Variants in ESPN observed in about 807,000 individuals in gnomAD.
ESPN encodes espin, also known as autosomal recessive deafness type 36 protein.
In ESPN, 68 loss-of-function variants were observed where a neutral mutation model predicts 77.7. The ratio of observed to expected loss-of-function variants is 0.87; its 90% CI spans 0.72 to 1.07. The LOEUF is 1.07. ESPN is among the 50% of genes least tolerant of loss of function. The pLI, the probability that ESPN is intolerant of heterozygous loss-of-function variation, is 0.00. For missense variants in ESPN, 1,060 were observed against 1,239.0 expected (o/e 0.86, Z 2.17); for synonymous variants, 449 against 567.1 (o/e 0.79, Z 2.96).
rs1229908819 is a variant in ESPN, at chr1:6,440,285, ACGCCC to A, written c.522_526del (p.Pro175ValfsTer93). On this transcript the variant is annotated frameshift_variant, in exon 3 of 13. Transcript: ENST00000645284. LOFTEE classifies it high-confidence loss of function. ...GAATGCCCAAACCAAGAACGGTGCCACGCCCCTGTACCTGGCGTGCCAGGAGGGCC... is the reference window on the plus strand; with the variant it reads ...GAATGCCCAAACCAAGAACGGTGCCACTGTACCTGGCGTGCCAGGAGGGCC... 2 of 1,551,658 alleles carry A rather than the reference ACGCCC, an allele frequency of 1.3e-6. No individual in the cohort carries two copies. The highest frequency in any genetic ancestry group is 1.7e-6 in the Non-Finnish European group (2 of 1,147,762).
chr1:6,427,668 G>A lies in ESPN; in HGVS notation c.295-558G>A, dbSNP rs1643089875. Among the ~76,000 whole-genome samples, 1 of 152,258 alleles carries A rather than the reference G, an allele frequency of 6.6e-6. No individual in the cohort carries two copies. Among genetic ancestry groups the A allele is most frequent in the Admixed American group, 6.5e-5 (1 of 15,290 alleles). On this transcript the variant is annotated intron_variant, in intron 1 of 12. Transcript: ENST00000645284. The surrounding 1 kb of genome is among the most constrained non-coding windows in gnomAD (Gnocchi z 4.6). Reference sequence around the variant, plus strand: ...GGGAGGGGCCGGTTTTCTGCACTGAGGTTGGGTTCCTGGAGGCGTACCAAG... The same window carrying A: ...GGGAGGGGCCGGTTTTCTGCACTGAAGTTGGGTTCCTGGAGGCGTACCAAG...
intron 5 of ESPN, among the ~76,000 whole-genome samples, chr1:6,441,934 G>A (rs1643651368): frequency 6.6e-6 from 1 of 152,244 alleles, no homozygotes; most frequent in African/African-American, 2.4e-5. Flanking sequence ...GCCAGAGGCT[G>A]CAGGGGGGCC....
rs1303223203 is a variant in ESPN at position 6,440,398 on chromosome 1, C to T, written c.633C>T (p.His211=). 6 of 1,583,030 alleles carry T rather than the reference C, an allele frequency of 3.8e-6. No homozygotes were observed. The highest frequency in any genetic ancestry group is 2.3e-5 in the East Asian group (1 of 43,430). ...ARAHDGMTPL[H]AAAQMGHSPV... ...CCCACGACGGCATGACCCCGCTGCA[C>T]GCCGCGGCGCAGATGGGCCACAGCC... Residue 211 remains histidine, a synonymous_variant, in exon 3 of 13, where the codon CAC becomes CAT. Transcript: ENST00000645284.
chr1:6,443,183 A>AAT (rs1455536177), intron 5 of ESPN: 1 of 152,018 alleles, frequency 6.6e-6, no homozygotes, highest in African/African-American at 2.4e-5. Context: ...AAAAAAAAAA[A>AAT]AAAAAGTTGA....
rs145666801 is a variant in ESPN at position 6,428,313 on chromosome 1, G to A, written c.382G>A (p.Gly128Ser). ...GGTGAACTGGCTCTTGCATCATGGC[G>A]GTGGGGACCCCACCGCGGCCACAGA... is the stretch of plus-strand genomic sequence containing the variant. ...EVVNWLLHHG[G>S]GDPTAATDMG... Residue 128 changes from glycine to serine, a missense_variant, in exon 2 of 13, where the codon GGT (glycine) becomes AGT (serine). Physicochemically the swap from Gly to Ser is moderately conservative, Grantham distance 56. Coordinates refer to ENST00000645284, the MANE Select transcript of ESPN (RefSeq NM_031475.3). The surrounding 1 kb of genome is among the most constrained non-coding windows in gnomAD (Gnocchi z 5.4). The A allele has an allele frequency of 2.2e-5, 35 of 1,613,070 alleles. No individual in the cohort carries two copies. The highest frequency in any genetic ancestry group is 1.1e-4 in the African/African-American group (8 of 75,016).
At position 6,428,313 on chromosome 1, in the gene ESPN, G is replaced by T. The variant is rs145666801; in HGVS notation, c.382G>T (p.Gly128Cys). 6.2e-6 allele frequency: 10 copies of T among 1,612,954 alleles called. No individual in the cohort carries two copies. The highest frequency in any genetic ancestry group is 8.5e-6 in the Non-Finnish European group (10 of 1,179,992). Residue 128 changes from glycine (G) to cysteine (C), a missense_variant, in exon 2 of 13, where the codon GGT (glycine) becomes TGT (cysteine). Gly to Cys is a radical substitution (Grantham distance 159). Around this residue, in one of 3 missense-constraint regions of ESPN, gnomAD observed 556 missense variants for 633.6 expected, o/e 0.88. Coordinates refer to ENST00000645284, the MANE Select transcript of ESPN (RefSeq NM_031475.3). This position sits in a 1 kb window ranked among gnomAD's most constrained non-coding sequence, Gnocchi z 5.4. ...EVVNWLLHHG[G>C]GDPTAATDMG... The stretch of plus-strand genomic sequence containing the variant: ...GGTGAACTGGCTCTTGCATCATGGC[G>T]GTGGGGACCCCACCGCGGCCACAGA...
At chr1:6,430,220 T>C (rs571872286) in intron 2 of ESPN, among the ~76,000 whole-genome samples, 1 of 152,330 alleles carries the variant, frequency 6.6e-6, no homozygotes, top group South Asian at 2.1e-4. Context: ...TGGGGCCTGC[T>C]GTGAATCGTT....
intron 5 of ESPN, among the ~76,000 whole-genome samples, chr1:6,442,366 C>T (rs1488169565): frequency 6.6e-6 from 1 of 151,954 alleles, no homozygotes; most frequent in Non-Finnish European, 1.5e-5. Flanking sequence ...GTCAGTAGAT[C>T]GAGACCATCC....
intron 10 of ESPN, chr1:6,454,770 C>T (rs1184820915): frequency 1.3e-5 from 5 of 397,922 alleles, no homozygotes; most frequent in Non-Finnish European, 2.2e-5. Flanking sequence ...GGCCACGCTG[C>T]TGGCTGCGCT....
chr1:6,441,045 C>G lies in ESPN; in HGVS notation c.970C>G (p.Leu324Val). Reference sequence around the variant, plus strand: ...CGGCCACAGCCACTGCACCCGCTACCTGCGCACGGTGGAGAACCTGGTACG... The same window carrying G: ...CGGCCACAGCCACTGCACCCGCTACGTGCGCACGGTGGAGAACCTGGTACG... ...FNGHSHCTRYLRTVENLSVEH... is the reference protein window; with the variant it reads ...FNGHSHCTRYVRTVENLSVEH... Residue 324 changes from leucine to valine, a missense_variant, in exon 5 of 13, where the codon CTG (leucine) becomes GTG (valine). By Grantham distance (32) the Leu-to-Val change is conservative. Transcript: ENST00000645284. 6.2e-7 allele frequency: 1 copy of G among 1,611,552 alleles called. No individual in the cohort carries two copies. The highest frequency in any genetic ancestry group is 8.5e-7 in the Non-Finnish European group (1 of 1,179,620).
chr1:6,458,931 TC>T (rs1302829578), intron 12 of ESPN, among the ~76,000 whole-genome samples: 3 of 104,638 alleles, frequency 2.9e-5, no homozygotes, highest in African/African-American at 1.1e-4. Flanking sequence ...AGACTCCATT[TC>T]AAAAAAAAAA....
At chr1:6,438,401 T>C (rs1011357072) in intron 2 of ESPN, among the ~76,000 whole-genome samples, 7 of 152,232 alleles carry the variant, frequency 4.6e-5, no homozygotes, top group Admixed American at 3.3e-4. Context: ...GGATGACAAC[T>C]GTTGTCCCCA....
At position 6,451,577 on chromosome 1, in the gene ESPN, G is replaced by C; in HGVS notation, c.1916-26G>C. 1 of 1,608,900 alleles carries C rather than the reference G, an allele frequency of 6.2e-7. No homozygotes were observed. The highest frequency in any genetic ancestry group is 8.5e-7 in the Non-Finnish European group (1 of 1,177,914). On this transcript the variant is annotated intron_variant, in intron 8 of 12. Transcript: ENST00000645284. The surrounding 1 kb of genome is among the most constrained non-coding windows in gnomAD (Gnocchi z 4.3). ...CGGGGATGCAGCCCCACCCTGGCCA[G>C]TGCCTCATCTCCTGCCTCCGCATAG...
At chr1:6,452,205 TTTTTTTTTTC>T in intron 10 of ESPN, 109 bp downstream of exon 10, 2 of 1,291,606 alleles carry the variant, frequency 1.5e-6, no homozygotes, top group Non-Finnish European at 2.1e-6. Context: ...TTTCTTTCTT[TTTTTTTTTTC>T]TTTTCTTGAG....
chr1:6,454,885 G>T (rs1644021299), intron 10 of ESPN: 3 of 389,240 alleles, frequency 7.7e-6, no homozygotes, highest in Admixed American at 4.5e-5. Context: ...CTCTGCCTGG[G>T]TCGCTCGCAC....
At position 6,455,654 on chromosome 1, in the gene ESPN, C is replaced by G. The variant is rs369862900; in HGVS notation, c.2326-1530C>G. 3.0e-5 allele frequency: 12 copies of G among 399,392 alleles called. No homozygotes were observed. The East Asian group carries it at 3.2e-4, about 11-fold the overall frequency. 24.7% of individuals were successfully genotyped at this position (399,392 alleles called of 1,614,324 possible). A position where few individuals can be genotyped will look rare whatever the true frequency, so the allele number is the denominator to read the frequency against. On this transcript the variant is annotated intron_variant, in intron 10 of 12. Transcript: ENST00000645284. ...GCCTCACGCTCGACCTCTTCATGCT[C>G]GGCTACTTCCAGCTACTCGAGATGG...
intron 2 of ESPN, among the ~76,000 whole-genome samples, chr1:6,430,355 G>A (rs898514348): frequency 7.9e-5 from 12 of 152,362 alleles, no homozygotes; most frequent in Admixed American, 2.0e-4. Flanking sequence ...GCCACGGGAC[G>A]AGGAAGTGAC....
Position 6,448,897 on chromosome 1 carries a change from C to T in ESPN, c.1721C>T (p.Ala574Val). Residue 574 changes from alanine (A) to valine (V), a missense_variant, in exon 8 of 13, where the codon GCG (alanine) becomes GTG (valine). Around this residue, in one of 3 missense-constraint regions of ESPN, gnomAD observed 130 missense variants for 223.9 expected, o/e 0.58. Transcript: ENST00000645284. ...LEGPSAPPQA[A>V]LLPGNHVPNG... ...GGCCCCTCCGCTCCCCCGCAGGCGG[C>T]GCTGCTTCCTGGGAACCATGTTCCT... 3.0e-6 allele frequency: 4 copies of T among 1,350,780 alleles called. No individual in the cohort carries two copies. The highest frequency in any genetic ancestry group is 3.8e-6 in the Non-Finnish European group (4 of 1,054,796). 83.7% of individuals were successfully genotyped at this position (1,350,780 alleles called of 1,614,324 possible). A position where few individuals can be genotyped will look rare whatever the true frequency, so the allele number is the denominator to read the frequency against.
chr1:6,453,136 C>T (rs9435261), intron 10 of ESPN, among the ~76,000 whole-genome samples: 1 of 152,190 alleles, frequency 6.6e-6, no homozygotes, highest in Non-Finnish European at 1.5e-5. Context: ...TCAAGTGATC[C>T]GCCTGCCTCG....
Sources: allele counts gnomAD v4.1 joint callset (sites outside exome capture counted in the v4.1 genomes callset), GRCh38; gene constraint gnomAD v4.1.1; regional missense constraint gnomAD v4.1.1; non-coding constraint Gnocchi (gnomAD v3.1); transcripts MANE v1.5; gene names NCBI Gene and HGNC (gene_info 2026-07-23, HGNC 2026-07-21).